The following BCAS3 variants were observed in gnomAD, a reference collection of about 807,000 sequenced individuals.
The protein encoded by BCAS3 is BCAS3 microtubule associated cell migration factor, also known as BCAS4/BCAS3 fusion.
In BCAS3, 53 loss-of-function variants were observed where a neutral mutation model predicts 116.1. The ratio of observed to expected loss-of-function variants is 0.46; its 90% CI spans 0.37 to 0.57. The LOEUF is 0.57. BCAS3 is among the 20% of genes least tolerant of loss of function. BCAS3 has a pLI of 0.00. For missense variants in BCAS3, 917 were observed against 1,165.4 expected, an observed-to-expected ratio of 0.79 and a Z score of 3.10; for synonymous variants, 391 against 408.2, an observed-to-expected ratio of 0.96 and a Z score of 0.51.
chr17:61,295,654 G>C (rs2052817839), intron 22 of BCAS3, among the ~76,000 whole-genome samples: 1 of 152,022 alleles, frequency 6.6e-6, no homozygotes, highest in African/African-American at 2.4e-5. Context: ...GTTGCCGTTT[G>C]AAATTTCTGT....
chr17:60,793,705 A>T (rs1442861403), intron 6 of BCAS3, among the ~76,000 whole-genome samples: 1 of 152,190 alleles, frequency 6.6e-6, no homozygotes, highest in East Asian at 1.9e-4. Context: ...CTCCAATCTC[A>T]TCCAGGTCAC....
rs533998401 is a variant in BCAS3 at position 61,083,863 on chromosome 17, T to C, written c.2328-604T>C. ...AATTGTGTGTAGTAATTTGCACGTT[T>C]ACTGAGGTTCTAATTGATTGTTGTA... is the stretch of plus-strand genomic sequence containing the variant. On this transcript the variant is annotated intron_variant, in intron 21 of 23. Coordinates refer to ENST00000407086, the MANE Select transcript of BCAS3 (RefSeq NM_017679.5). The surrounding 1 kb of genome is among the most constrained non-coding windows in gnomAD (Gnocchi z 4.9). 1.3e-5 allele frequency among the ~76,000 whole-genome samples: 2 copies of C among 152,334 alleles called. No individual in the cohort carries two copies. The highest frequency in any genetic ancestry group is 4.8e-5 in the African/African-American group (2 of 41,582).
At chr17:61,308,749 C>T (rs1337032816) in intron 22 of BCAS3, among the ~76,000 whole-genome samples, 3 of 152,092 alleles carry the variant, frequency 2.0e-5, no homozygotes, top group Non-Finnish European at 4.4e-5. Context: ...ACGGATTGGT[C>T]TGTAACACCA....
At chr17:60,798,869 C>T (rs778397567) in intron 6 of BCAS3, among the ~76,000 whole-genome samples, 12 of 152,188 alleles carry the variant, frequency 7.9e-5, no homozygotes, top group Admixed American at 2.0e-4. Context: ...GGAATTTGGT[C>T]GTTCTGGTAG....
intron 6 of BCAS3, among the ~76,000 whole-genome samples, chr17:60,784,268 C>A (rs1355612667): frequency 6.8e-6 from 1 of 146,870 alleles, no homozygotes; most frequent in Non-Finnish European, 1.5e-5. Context: ...GTGATGATGG[C>A]GTGTGTTCTT....
In BCAS3 at chr17:61,132,360, C is replaced by G. The variant is rs1016045261; in HGVS notation, c.2425+47796C>G. ...AAAACTACTTGAGTATAGGTGAGAA[C>G]TTGACAGATAATTATGGTTGCTTGA... is the stretch of plus-strand genomic sequence containing the variant. On this transcript the variant is annotated intron_variant, in intron 22 of 23. Coordinates refer to ENST00000407086, the MANE Select transcript of BCAS3 (RefSeq NM_017679.5). This position sits in a 1 kb window ranked among gnomAD's most constrained non-coding sequence, Gnocchi z 5.1. Among the ~76,000 whole-genome samples the G allele has an allele frequency of 6.6e-6, 1 of 152,146 alleles. No homozygotes were observed. Among genetic ancestry groups the G allele is most frequent in the African/African-American group, 2.4e-5 (1 of 41,428 alleles).
intron 3 of BCAS3, among the ~76,000 whole-genome samples, chr17:60,687,421 T>C (rs1217241667): frequency 1.3e-5 from 2 of 152,114 alleles, no homozygotes; most frequent in African/African-American, 4.8e-5. Flanking sequence ...CTGAGCAACA[T>C]GGTGAAACCC....
intron 14 of BCAS3, among the ~76,000 whole-genome samples, chr17:60,973,586 A>AATATATATATATATATATATATAT (rs34671111): frequency 1.4e-5 from 2 of 137,966 alleles, no homozygotes; most frequent in African/African-American, 5.7e-5. Context: ...CCTTATTATT[A>AATATATATATATATATATATATAT]ATATATATAT....
rs571910125 is a variant in BCAS3, at chr17:61,208,667, T to G, written c.2425+124103T>G. 5.3e-5 allele frequency among the ~76,000 whole-genome samples: 8 copies of G among 152,324 alleles called. No individual in the cohort carries two copies. The East Asian group carries it at 1.5e-3, about 29-fold the overall frequency. On this transcript the variant is annotated intron_variant, in intron 22 of 23. Transcript: ENST00000407086. The surrounding 1 kb of genome is among the most constrained non-coding windows in gnomAD (Gnocchi z 4.5). ...AGAAAGCAGGTATCCATGTTGTTGA[T>G]GCTCCCTAGAGAGAGCCTCAGACAC...
rs1161119402 is a variant in BCAS3 at position 61,145,747 on chromosome 17, C to T, written c.2425+61183C>T. Among the ~76,000 whole-genome samples, 8 of 152,150 alleles carry T rather than the reference C, an allele frequency of 5.3e-5. No individual in the cohort carries two copies. Among genetic ancestry groups the T allele is most frequent in the Non-Finnish European group, 8.8e-5 (6 of 68,016 alleles). ...AATCTAAGTCTTGCAGTGAGAATGACCAGAAATCGTTTCCCTCTCTGGGGG... is the reference window on the plus strand; with the variant it reads ...AATCTAAGTCTTGCAGTGAGAATGATCAGAAATCGTTTCCCTCTCTGGGGG... On this transcript the variant is annotated intron_variant, in intron 22 of 23. Coordinates refer to ENST00000407086, the MANE Select transcript of BCAS3 (RefSeq NM_017679.5). The surrounding 1 kb of genome is among the most constrained non-coding windows in gnomAD (Gnocchi z 5.0).
intron 14 of BCAS3, among the ~76,000 whole-genome samples, chr17:60,969,663 T>A (rs1345637758): frequency 6.6e-6 from 1 of 152,090 alleles, no homozygotes; most frequent in Non-Finnish European, 1.5e-5. Context: ...AGACATACAT[T>A]TACAACTTCA....
intron 3 of BCAS3, among the ~76,000 whole-genome samples, chr17:60,687,807 G>A (rs1165123762): frequency 6.6e-6 from 1 of 152,130 alleles, no homozygotes; most frequent in Non-Finnish European, 1.5e-5. Flanking sequence ...GAGCTCAGGT[G>A]CTTCAGTTGT....
Position 60,694,491 on chromosome 17 carries a change from T to C in BCAS3, c.214+4730T>C, listed in dbSNP as rs143765505. ...ACTCCAGCCTGGTGACAGAGTGAGA[T>C]TCCATCTCAAAAAAAAAAAATTTAT... is the stretch of plus-strand genomic sequence containing the variant. On this transcript the variant is annotated intron_variant, in intron 4 of 23. Transcript: ENST00000407086. 5.3e-3 allele frequency among the ~76,000 whole-genome samples: 806 copies of C among 151,826 alleles called. 5 individuals carry two copies. The highest frequency in any genetic ancestry group is 0.019 in the African/African-American group (782 of 41,436).
At chr17:60,902,907 T>G (rs2145065387) in intron 11 of BCAS3, among the ~76,000 whole-genome samples, 1 of 152,370 alleles carries the variant, frequency 6.6e-6, no homozygotes, top group East Asian at 1.9e-4. Flanking sequence ...AAACAGTGAC[T>G]TCTGGATTCT....
chr17:60,775,671 A>G (rs916786125), intron 6 of BCAS3, among the ~76,000 whole-genome samples: 1 of 152,182 alleles, frequency 6.6e-6, no homozygotes, highest in Non-Finnish European at 1.5e-5. Context: ...TAACAACCAG[A>G]CACACTAATA....
chr17:61,048,638 C>A (rs768086584), intron 19 of BCAS3, among the ~76,000 whole-genome samples: 14 of 152,004 alleles, frequency 9.2e-5, no homozygotes, highest in Non-Finnish European at 2.1e-4. Flanking sequence ...AGTTGAGTAA[C>A]AGTAACTGAG....
At chr17:60,954,363 T>C (rs1371811060) in intron 14 of BCAS3, among the ~76,000 whole-genome samples, 1 of 152,152 alleles carries the variant, frequency 6.6e-6, no homozygotes, top group African/African-American at 2.4e-5. Flanking sequence ...TTTGGTTTCA[T>C]ATGAATTTTA....
rs1263709817 is a variant in BCAS3 at position 61,380,339 on chromosome 17, A to G, written c.2594-11638A>G. ...CAGTTTAGGCTAGTGAGAAATCTGT[A>G]AAACCCTAGATGTGCTGTGCCTGGG... On this transcript the variant is annotated intron_variant, in intron 23 of 23. Transcript: ENST00000407086. The surrounding 1 kb of genome is among the most constrained non-coding windows in gnomAD (Gnocchi z 4.2). The G allele has an allele frequency of 1.2e-5, 8 of 640,958 alleles. No homozygotes were observed. The highest frequency in any genetic ancestry group is 8.2e-5 in the East Asian group (3 of 36,420). 39.7% of individuals were successfully genotyped at this position (640,958 alleles called of 1,614,324 possible). A position where few individuals can be genotyped will look rare whatever the true frequency, so the allele number is the denominator to read the frequency against.
At chr17:60,979,860 T>G (rs1405628856) in intron 14 of BCAS3, among the ~76,000 whole-genome samples, 1 of 152,014 alleles carries the variant, frequency 6.6e-6, no homozygotes, top group Non-Finnish European at 1.5e-5. Flanking sequence ...TTGATCATGG[T>G]GGATAAGCTT....
Sources: gnomAD v4.1 joint callset for allele counts (sites outside exome capture counted in the v4.1 genomes callset) on GRCh38, gnomAD v4.1.1 for gene constraint, Gnocchi (gnomAD v3.1) non-coding constraint, MANE v1.5 for transcripts, NCBI Gene and HGNC (gene_info 2026-07-23, HGNC 2026-07-21) for gene names.